WWOX: variants seen among roughly 807,000 people sequenced by gnomAD.
WWOX encodes the protein WW domain containing oxidoreductase, also known as WW domain-containing oxidoreductase.
A neutral mutation model predicts 46.2 loss-of-function variants in WWOX; 69 were observed. That is an observed-to-expected ratio of 1.49 (90% CI 1.23 to 1.82). The LOEUF (loss-of-function observed/expected upper bound fraction) is 1.82, where lower values mean the gene tolerates loss of function less well. Among genes scored for constraint, WWOX ranks in the 40% most tolerant of loss-of-function variants. The pLI is 0.00. For synonymous variants in WWOX, 359 were observed against 202.6 expected, an observed-to-expected ratio of 1.77 and a Z score of -6.56; for missense variants, 919 against 542.6, an observed-to-expected ratio of 1.69 and a Z score of -6.89.
rs137944861 is a variant in WWOX, at chr16:78,751,660, C to T, written c.1056+318908C>T. ...ATAGAGTTTGATATTAAACAATACT[C>T]CAAGAAAGCCATTTCTGCAGAGTTA... is the stretch of plus-strand genomic sequence containing the variant. On this transcript the variant is annotated intron_variant, in intron 8 of 8. Transcript: ENST00000566780. 1.9e-3 allele frequency among the ~76,000 whole-genome samples: 283 copies of T among 151,532 alleles called. 1 individual carries two copies. Among genetic ancestry groups the T allele is most frequent in the African/African-American group, 6.3e-3 (260 of 41,282 alleles).
chr16:79,015,784 G>T (rs771137037), intron 8 of WWOX, among the ~76,000 whole-genome samples: 4 of 151,576 alleles, frequency 2.6e-5, no homozygotes, highest in African/African-American at 7.3e-5. Context: ...ACAGACTGTC[G>T]CTCTGTCGCC....
intron 8 of WWOX, among the ~76,000 whole-genome samples, chr16:78,662,134 A>G (rs533310891): frequency 6.6e-6 from 1 of 152,284 alleles, no homozygotes; most frequent in African/African-American, 2.4e-5. Context: ...GTTTGCAGTA[A>G]GCTAGGATTA....
intron 8 of WWOX, among the ~76,000 whole-genome samples, chr16:78,803,053 G>A (rs1597637858): frequency 6.6e-6 from 1 of 151,044 alleles, no homozygotes; most frequent in South Asian, 2.1e-4. Context: ...AGGTGCAAGA[G>A]TATCTAGTAG....
Position 78,285,673 on chromosome 16 carries a change from G to A in WWOX, c.517-101187G>A, listed in dbSNP as rs188508336. On this transcript the variant is annotated intron_variant, in intron 5 of 8. Transcript: ENST00000566780. ...AGTGGTACCATTCTGACGGACTCTC[G>A]GATGCTTGGTTTTATGGAGGGATCT... is the stretch of plus-strand genomic sequence containing the variant. 3.4e-3 allele frequency among the ~76,000 whole-genome samples: 512 copies of A among 152,196 alleles called. 5 individuals are homozygous for A. Among genetic ancestry groups the A allele is most frequent in the African/African-American group, 0.012 (482 of 41,530 alleles).
intron 8 of WWOX, among the ~76,000 whole-genome samples, chr16:78,494,215 A>C (rs1285143394): frequency 1.3e-5 from 2 of 152,172 alleles, no homozygotes; most frequent in Non-Finnish European, 2.9e-5. Context: ...AGACAGCACT[A>C]GGGGGATGGT....
intron 8 of WWOX, among the ~76,000 whole-genome samples, chr16:79,096,687 A>G (rs982695240): frequency 6.6e-6 from 1 of 151,996 alleles, no homozygotes; most frequent in Non-Finnish European, 1.5e-5. Context: ...TTACTTACCC[A>G]TTTTGCTTTC....
chr16:79,135,501 A>C (rs2049965916), intron 8 of WWOX, among the ~76,000 whole-genome samples: 1 of 152,224 alleles, frequency 6.6e-6, no homozygotes, highest in South Asian at 2.1e-4. Flanking sequence ...AAGAGATTTA[A>C]GTTATTTCTA....
At chr16:78,922,451 T>C (rs1332872918) in intron 8 of WWOX, among the ~76,000 whole-genome samples, 1 of 151,208 alleles carries the variant, frequency 6.6e-6, no homozygotes, top group African/African-American at 2.4e-5. Flanking sequence ...TGACCTTGGC[T>C]CACTGCAATT....
At chr16:78,279,182 G>C (rs2151853054) in intron 5 of WWOX, among the ~76,000 whole-genome samples, 1 of 152,246 alleles carries the variant, frequency 6.6e-6, no homozygotes, top group African/African-American at 2.4e-5. Flanking sequence ...AAAGCTCCAA[G>C]GCAGTTATGT....
intron 8 of WWOX, among the ~76,000 whole-genome samples, chr16:78,692,823 C>T (rs2048020615): frequency 6.6e-6 from 1 of 152,148 alleles, no homozygotes; most frequent in Non-Finnish European, 1.5e-5. Context: ...GAAACCAAGG[C>T]ATATTTTCTT....
At chr16:78,571,746 C>G (rs556377584) in intron 8 of WWOX, among the ~76,000 whole-genome samples, 1 of 152,202 alleles carries the variant, frequency 6.6e-6, no homozygotes, top group East Asian at 1.9e-4. Context: ...TATGTGACTG[C>G]AATCCCAGCT....
At chr16:79,000,745 T>C (rs537363831) in intron 8 of WWOX, among the ~76,000 whole-genome samples, 64 of 152,320 alleles carry the variant, frequency 4.2e-4, no homozygotes, top group African/African-American at 1.3e-3. Context: ...GGGTAATTTG[T>C]TACAGCAGCC....
At chr16:78,365,795 C>T (rs74027878) in intron 5 of WWOX, among the ~76,000 whole-genome samples, 1 of 152,040 alleles carries the variant, frequency 6.6e-6, no homozygotes, top group Non-Finnish European at 1.5e-5. Flanking sequence ...CTCTATGGCT[C>T]CCCCCACCAA....
At chr16:78,602,090 A>G (rs1262560744) in intron 8 of WWOX, among the ~76,000 whole-genome samples, 1 of 152,222 alleles carries the variant, frequency 6.6e-6, no homozygotes, top group African/African-American at 2.4e-5. Flanking sequence ...TTTTAAAATG[A>G]TTCTGTTGGG....
intron 5 of WWOX, among the ~76,000 whole-genome samples, chr16:78,318,444 A>C (rs1397455996): frequency 6.6e-6 from 1 of 151,624 alleles, no homozygotes; most frequent in Non-Finnish European, 1.5e-5. Flanking sequence ...TGTCAAAAAT[A>C]ATATTATTCT....
intron 5 of WWOX, among the ~76,000 whole-genome samples, chr16:78,224,567 CCT>C (rs1300822049): frequency 6.6e-6 from 1 of 152,090 alleles, no homozygotes; most frequent in African/African-American, 2.4e-5. Context: ...TAACCAATCC[CCT>C]GTTGTTGGAC....
chr16:78,685,722 C>T (rs997023858), intron 8 of WWOX, among the ~76,000 whole-genome samples: 4 of 152,114 alleles, frequency 2.6e-5, no homozygotes, highest in African/African-American at 9.7e-5. Flanking sequence ...GAAATTATTC[C>T]GACAGTTGCC....
intron 5 of WWOX, among the ~76,000 whole-genome samples, chr16:78,241,372 T>C (rs944558117): frequency 6.6e-6 from 1 of 152,146 alleles, no homozygotes; most frequent in African/African-American, 2.4e-5. Context: ...TGCCTCATCC[T>C]TGTTCCAGCC....
intron 8 of WWOX, among the ~76,000 whole-genome samples, chr16:78,646,741 T>C (rs1025184863): frequency 6.6e-6 from 1 of 152,200 alleles, no homozygotes; most frequent in South Asian, 2.1e-4. Context: ...TAAATTTTAT[T>C]TTTCAGTTTA....
Sources: allele counts gnomAD v4.1 joint callset (sites outside exome capture counted in the v4.1 genomes callset), GRCh38; gene constraint gnomAD v4.1.1; transcripts MANE v1.5; gene names NCBI Gene and HGNC (gene_info 2026-07-23, HGNC 2026-07-21).